SIPA1L3: variants seen among roughly 807,000 people sequenced by gnomAD.
SIPA1L3 encodes the protein signal induced proliferation associated 1 like 3.
SIPA1L3 carries 59 observed loss-of-function variants against 150.1 expected under a neutral mutation model. That is an observed-to-expected ratio of 0.39 (90% confidence interval 0.32 to 0.49). The LOEUF (loss-of-function observed/expected upper bound fraction) is 0.49, where lower values mean the gene tolerates loss of function less well. Among genes scored for constraint, SIPA1L3 ranks in the 20% least tolerant of loss-of-function variants. The pLI is 0.86. For missense variants in SIPA1L3, 2,211 were observed against 2,489.5 expected (o/e 0.89, Z 2.38); for synonymous variants, 1,070 against 1,077.6 (o/e 0.99, Z 0.14).
intron 13 of SIPA1L3, among the ~76,000 whole-genome samples, chr19:38,159,815 C>A (rs1972036737): frequency 6.6e-6 from 1 of 152,146 alleles, no homozygotes; most frequent in Admixed American, 6.5e-5. Context: ...TACCATAGCG[C>A]CTGACACAGA....
intron 17 of SIPA1L3, 151 bp from the exon 18 acceptor site, chr19:38,193,386 G>A: frequency 1.2e-6 from 1 of 836,512 alleles, no homozygotes; most frequent in Non-Finnish European, 1.6e-6. Context: ...AGGGAGGAAG[G>A]GAGGGAGGGA....
At chr19:37,923,402 A>G (rs2145486374) in intron 1 of SIPA1L3, among the ~76,000 whole-genome samples, 1 of 152,214 alleles carries the variant, frequency 6.6e-6, no homozygotes, top group East Asian at 1.9e-4. Context: ...CACACATGTG[A>G]CTGCCCTGAA....
At chr19:37,969,251 A>G (rs1366062138) in intron 1 of SIPA1L3, among the ~76,000 whole-genome samples, 1 of 151,932 alleles carries the variant, frequency 6.6e-6, no homozygotes, top group Non-Finnish European at 1.5e-5. Flanking sequence ...AGAAAAAAAG[A>G]AAAGAAAAAA....
intron 18 of SIPA1L3, among the ~76,000 whole-genome samples, chr19:38,194,208 G>T (rs1226539102): frequency 6.6e-6 from 1 of 152,010 alleles, no homozygotes; most frequent in Non-Finnish European, 1.5e-5. Context: ...CTTGGGGGTG[G>T]TGCATGGTAT....
At chr19:38,054,867 T>C (rs761643532) in intron 2 of SIPA1L3, among the ~76,000 whole-genome samples, 1 of 152,222 alleles carries the variant, frequency 6.6e-6, no homozygotes, top group Non-Finnish European at 1.5e-5. Context: ...ATGGCTGCGC[T>C]TCTGCCATGA....
At chr19:37,919,225 T>C (rs2046438004) in intron 1 of SIPA1L3, among the ~76,000 whole-genome samples, 1 of 152,208 alleles carries the variant, frequency 6.6e-6, no homozygotes, top group South Asian at 2.1e-4. Flanking sequence ...AGCTTGTTCC[T>C]GTCCCCAGAT....
intron 13 of SIPA1L3, among the ~76,000 whole-genome samples, chr19:38,153,275 G>A (rs1568579110): frequency 1.3e-5 from 2 of 152,218 alleles, no homozygotes; most frequent in African/African-American, 4.8e-5. Context: ...AAAAGATTAA[G>A]CATTGAGCTC....
At chr19:38,101,443 CTG>C (rs1358159302) in intron 6 of SIPA1L3, among the ~76,000 whole-genome samples, 8 of 152,202 alleles carry the variant, frequency 5.3e-5, no homozygotes, top group Non-Finnish European at 7.4e-5. Context: ...GAGTCTCACT[CTG>C]TGGCCCAGGC....
chr19:37,958,714 TTTGTG>T (rs2046831832), intron 1 of SIPA1L3, among the ~76,000 whole-genome samples: 1 of 152,086 alleles, frequency 6.6e-6, no homozygotes, highest in Non-Finnish European at 1.5e-5. Context: ...ATTTAAAACT[TTTGTG>T]ATGCAAAGGA....
intron 2 of SIPA1L3, among the ~76,000 whole-genome samples, chr19:38,073,891 G>A (rs564570677): frequency 3.3e-5 from 5 of 152,224 alleles, no homozygotes; most frequent in African/African-American, 1.2e-4. Flanking sequence ...GTGCTTCTGT[G>A]GGGGGAAAGG....
At chr19:38,042,822 CTCAT>C (rs1228283341) in intron 2 of SIPA1L3, among the ~76,000 whole-genome samples, 1 of 152,162 alleles carries the variant, frequency 6.6e-6, no homozygotes, top group Non-Finnish European at 1.5e-5. Context: ...CCAGCTTGAC[CTCAT>C]TCATTCATTC....
chr19:38,003,123 G>C (rs1005773578), intron 1 of SIPA1L3, among the ~76,000 whole-genome samples: 1 of 152,190 alleles, frequency 6.6e-6, no homozygotes, highest in African/African-American at 2.4e-5. Flanking sequence ...CTGGGCAACA[G>C]AGTGAGATTC....
intron 10 of SIPA1L3, among the ~76,000 whole-genome samples, chr19:38,132,567 A>G (rs1971336624): frequency 6.8e-6 from 1 of 146,820 alleles, no homozygotes; most frequent in African/African-American, 2.6e-5. Context: ...CTGGGCAACA[A>G]GAATGAAGCT....
intron 1 of SIPA1L3, among the ~76,000 whole-genome samples, chr19:37,943,570 G>A (rs2145532508): frequency 6.6e-6 from 1 of 152,240 alleles, no homozygotes; most frequent in South Asian, 2.1e-4. Context: ...TTCGATTGCT[G>A]ACCACTTTAC....
chr19:38,005,311 C>A (rs1967914562), intron 1 of SIPA1L3, among the ~76,000 whole-genome samples: 1 of 152,154 alleles, frequency 6.6e-6, no homozygotes, highest in Non-Finnish European at 1.5e-5. Flanking sequence ...TGTGGCCCCC[C>A]AGACCCTGCT....
intron 2 of SIPA1L3, among the ~76,000 whole-genome samples, chr19:38,067,679 T>C (rs1011719273): frequency 6.6e-6 from 1 of 151,790 alleles, no homozygotes; most frequent in Non-Finnish European, 1.5e-5. Context: ...GAAGAATCGC[T>C]TGAACCCCGG....
chr19:38,166,183 C>T (rs992542523), intron 15 of SIPA1L3, among the ~76,000 whole-genome samples: 25 of 151,700 alleles, frequency 1.6e-4, no homozygotes, highest in African/African-American at 4.6e-4. Context: ...TGGCTGGAAA[C>T]GGTGGCTCAT....
chr19:38,154,436 T>A (rs1971896285), intron 13 of SIPA1L3, among the ~76,000 whole-genome samples: 1 of 152,078 alleles, frequency 6.6e-6, no homozygotes. Flanking sequence ...TAAGTTGATT[T>A]TATTTTATTT....
intron 16 of SIPA1L3, among the ~76,000 whole-genome samples, chr19:38,184,112 G>T (rs981540641): frequency 1.3e-5 from 2 of 152,178 alleles, no homozygotes. Flanking sequence ...GTTCTAAGTG[G>T]TTTGATGCGA....
Sources: allele counts gnomAD v4.1 joint callset (sites outside exome capture counted in the v4.1 genomes callset), GRCh38; gene constraint gnomAD v4.1.1; transcripts MANE v1.5; gene names NCBI Gene and HGNC (gene_info 2026-07-23, HGNC 2026-07-21).